Variants in MYO7A observed in about 807,000 individuals in gnomAD.
MYO7A encodes the protein myosin VIIA, also known as unconventional myosin-VIIa.
Under a neutral mutation model 263.8 loss-of-function variants are expected in MYO7A, and 210 were observed. The ratio of observed to expected loss-of-function variants is 0.80; its 90% CI spans 0.71 to 0.89. MYO7A has a LOEUF of 0.89. Ranked by LOEUF, MYO7A falls within the 40% of genes least tolerant of loss-of-function variation. The probability of loss-of-function intolerance (pLI) is 0.00; values close to 1 mark genes in which losing one functional copy is unlikely to be tolerated. For synonymous variants in MYO7A, 1,239 were observed against 1,197.3 expected (o/e 1.03, Z -0.72); for missense variants, 2,820 against 2,968.3 (o/e 0.95, Z 1.16).
intron 2 of MYO7A, among the ~76,000 whole-genome samples, chr11:77,140,064 T>C (rs1431132368): frequency 3.3e-5 from 5 of 152,242 alleles, no homozygotes; most frequent in Non-Finnish European, 7.3e-5. Context: ...TCATGTCTGT[T>C]TGCTGTGTGG....
At position 77,181,440 on chromosome 11, in the gene MYO7A, G is replaced by T. The variant is rs782787324; in HGVS notation, c.2755G>T (p.Ala919Ser). ...GCGGGAGCTGAAGGAGAAGGAGGCC[G>T]CTCGGCGGAAGAAGGAGCTCCTGGA... is the stretch of plus-strand genomic sequence containing the variant. ...AERELKEKEA[A>S]RRKKELLEQM... The change falls in exon 23 of 49, where the codon GCT becomes TCT. Residue 919 changes from alanine (A) to serine (S), a missense_variant. By Grantham distance (99) the Ala-to-Ser change is moderately conservative (BLOSUM62 1). Coordinates refer to ENST00000409709, the MANE Select transcript of MYO7A (RefSeq NM_000260.4). 1.9e-6 allele frequency: 3 copies of T among 1,602,424 alleles called. No homozygotes were observed. Among genetic ancestry groups the T allele is most frequent in the Non-Finnish European group, 2.6e-6 (3 of 1,174,968 alleles).
chr11:77,184,430 G>A (rs1008191681), intron 26 of MYO7A, among the ~76,000 whole-genome samples, 158 bp from the exon 27 acceptor site: 1 of 152,196 alleles, frequency 6.6e-6, no homozygotes, highest in Admixed American at 6.5e-5. Flanking sequence ...CATCTGCTGT[G>A]CACGTGGCAG....
At chr11:77,158,525 C>A in intron 9 of MYO7A, 95 bp downstream of exon 9, 3 of 1,404,902 alleles carry the variant, frequency 2.1e-6, no homozygotes, top group South Asian at 1.4e-5. Context: ...AGTTTCTGTC[C>A]TAGCACGTGC....
At chr11:77,172,239 T>A (rs1555076502) in intron 15 of MYO7A, among the ~76,000 whole-genome samples, 2 of 152,202 alleles carry the variant, frequency 1.3e-5, no homozygotes, top group Non-Finnish European at 1.5e-5. Context: ...TCACCTCCAC[T>A]TAGGAAACTG....
rs752844653 is a variant in MYO7A at position 77,190,064 on chromosome 11, G to A, written c.3675G>A (p.Pro1225=). ...ACGGGGGCCCGCCCGGCTACGCCCC[G>A]TACTGTGAGGAGCGCCTGAGAAGGA... ...FIHGGPPGYA[P]YCEERLRRTF... The change falls in exon 29 of 49, where the codon CCG becomes CCA. Residue 1225 remains proline (P), a synonymous_variant. Transcript: ENST00000409709. 4.1e-5 allele frequency: 65 copies of A among 1,575,114 alleles called. No homozygotes were observed. Among genetic ancestry groups the A allele is most frequent in the Middle Eastern group, 1.7e-4 (1 of 5,830 alleles).
At chr11:77,213,584 A>C (rs1428225378) in intron 47 of MYO7A, among the ~76,000 whole-genome samples, 3 of 151,926 alleles carry the variant, frequency 2.0e-5, no homozygotes, top group Admixed American at 2.0e-4. Flanking sequence ...CTCTCCCTGG[A>C]CCATCTCATT....
At chr11:77,190,560 A>G in intron 29 of MYO7A, 137 bp from the exon 30 acceptor site, 2 of 999,086 alleles carry the variant, frequency 2.0e-6, no homozygotes, top group South Asian at 3.2e-5. Flanking sequence ...GACAGGGACA[A>G]GCAGTGTCCC....
intron 4 of MYO7A, among the ~76,000 whole-genome samples, chr11:77,155,303 G>A (rs1352352981): frequency 3.3e-5 from 5 of 152,190 alleles, no homozygotes; most frequent in Non-Finnish European, 7.4e-5. Flanking sequence ...CTGCGCCTAC[G>A]CTGCCCAGGA....
In MYO7A at chr11:77,180,501, G is replaced by A. The variant is rs1381011265; in HGVS notation, c.2694+20G>A. 3.1e-6 allele frequency: 5 copies of A among 1,601,736 alleles called. No individual in the cohort carries two copies. The highest frequency in any genetic ancestry group is 4.3e-6 in the Non-Finnish European group (5 of 1,172,170). On this transcript the variant is annotated intron_variant, in intron 22 of 48. Transcript: ENST00000409709. ...CATCAGGTGAGCTGAGAGCCTCCAGGCACCTTAGGTGTCCACTTGCTGGCT... is the reference window on the plus strand; with the variant it reads ...CATCAGGTGAGCTGAGAGCCTCCAGACACCTTAGGTGTCCACTTGCTGGCT...
chr11:77,182,089 C>T lies in MYO7A; in HGVS notation c.3043C>T (p.His1015Tyr). ...CACCTACTTCCAGGGGACAACCACG[C>T]ACTCCTACACCCGGCGGCCACTCAA... ...AATYFQGTTT[H>Y]SYTRRPLKQP... is the part of the protein sequence containing the mutation. Residue 1015 changes from histidine (H) to tyrosine (Y), a missense_variant, in exon 24 of 49, where the codon CAC becomes TAC. Physicochemically the swap from His to Tyr is moderately conservative, Grantham distance 83. Transcript: ENST00000409709. 3.1e-6 allele frequency: 5 copies of T among 1,613,454 alleles called. No homozygotes were observed. The highest frequency in any genetic ancestry group is 1.1e-5 in the South Asian group (1 of 91,080).
intron 39 of MYO7A, 52 bp downstream of exon 39, chr11:77,204,281 G>C: frequency 3.2e-6 from 5 of 1,545,274 alleles, no homozygotes; most frequent in Non-Finnish European, 4.4e-6. Context: ...TGCTGTGACG[G>C]GCAGCTCTTA....
rs749146420 is a variant in MYO7A, at chr11:77,199,808, C to A, written c.4842C>A (p.Asn1614Lys). 5 of 1,590,320 alleles carry A rather than the reference C, an allele frequency of 3.1e-6. No homozygotes were observed. The highest frequency in any genetic ancestry group is 4.3e-6 in the Non-Finnish European group (5 of 1,162,868). ...RSKYVVALQD[N>K]PNPAGEESGF... ...AGTATGTTGTGGCCCTGCAGGATAACCCCAACCCCGGTGAGTGGCTGCTGG... is the reference window on the plus strand; with the variant it reads ...AGTATGTTGTGGCCCTGCAGGATAAACCCAACCCCGGTGAGTGGCTGCTGG... Residue 1614 changes from asparagine to lysine, a missense_variant, in exon 35 of 49, where the codon AAC becomes AAA. Transcript: ENST00000409709.
In MYO7A at chr11:77,208,793, A is replaced by G. The variant is rs2135762079; in HGVS notation, c.6041A>G (p.His2014Arg). ...GATCCCATGGCCGATTCCATCTTCC[A>G]CTATTACCAGGTGGGCACCTCTGCA... ...GKDPMADSIFHYYQELPKYLR... is the reference protein window; with the variant it reads ...GKDPMADSIFRYYQELPKYLR... Residue 2014 changes from histidine to arginine, a missense_variant, in exon 44 of 49, where the codon CAC becomes CGC. Physicochemically the swap from His to Arg is conservative, Grantham distance 29. Transcript: ENST00000409709. The G allele has an allele frequency of 6.4e-7, 1 of 1,563,140 alleles. No individual in the cohort carries two copies. Among genetic ancestry groups the G allele is most frequent in the African/African-American group, 1.4e-5 (1 of 73,652 alleles).
At chr11:77,196,904 C>T (rs983591438) in intron 32 of MYO7A, among the ~76,000 whole-genome samples, 5 of 152,188 alleles carry the variant, frequency 3.3e-5, no homozygotes, top group African/African-American at 4.8e-5. Context: ...AACACAATGC[C>T]GGTGCTTTTG....
intron 35 of MYO7A, 43 bp from the exon 36 acceptor site, chr11:77,201,405 G>C: frequency 6.4e-7 from 1 of 1,574,412 alleles, no homozygotes; most frequent in Non-Finnish European, 8.7e-7. Flanking sequence ...TTCCAACTCA[G>C]CCTGTCTCTG....
intron 2 of MYO7A, 43 bp downstream of exon 2, chr11:77,130,695 C>T: frequency 1.2e-6 from 2 of 1,605,368 alleles, no homozygotes; most frequent in South Asian, 1.1e-5. Flanking sequence ...CTCCCCAGGC[C>T]ATATCCCCTC....
chr11:77,186,074 C>G (rs1955627298), intron 27 of MYO7A, among the ~76,000 whole-genome samples: 1 of 151,928 alleles, frequency 6.6e-6, no homozygotes, highest in Non-Finnish European at 1.5e-5. Context: ...AGGTGCCCAC[C>G]ACCACATCCA....
At chr11:77,152,228 A>G (rs1952032929) in intron 4 of MYO7A, among the ~76,000 whole-genome samples, 1 of 151,962 alleles carries the variant, frequency 6.6e-6, no homozygotes, top group Non-Finnish European at 1.5e-5. Flanking sequence ...AAAATTATTC[A>G]TTTTTTTCTG....
chr11:77,144,846 A>C (rs1280571296), intron 3 of MYO7A, among the ~76,000 whole-genome samples: 2 of 152,120 alleles, frequency 1.3e-5, no homozygotes, highest in Admixed American at 6.5e-5. Context: ...GTTGCCAGAT[A>C]CACCCCTCCT....
Sources: gnomAD v4.1 joint callset for allele counts (sites outside exome capture counted in the v4.1 genomes callset) on GRCh38, gnomAD v4.1.1 for gene constraint, MANE v1.5 for transcripts, NCBI Gene and HGNC (gene_info 2026-07-23, HGNC 2026-07-21) for gene names.